The following SPINT1 variants were observed in gnomAD, a reference collection of about 807,000 sequenced individuals.
The protein encoded by SPINT1 is serine peptidase inhibitor, Kunitz type 1, also known as kunitz-type protease inhibitor 1.
Under a neutral mutation model 53.7 loss-of-function variants are expected in SPINT1, and 38 were observed. The observed-to-expected ratio is 0.71, with a 90% CI of 0.55 to 0.93. The LOEUF (loss-of-function observed/expected upper bound fraction) is 0.93, where lower values mean the gene tolerates loss of function less well. SPINT1 is among the 40% of genes least tolerant of loss of function. The pLI is 0.00. For missense variants in SPINT1, 645 were observed against 692.9 expected, an observed-to-expected ratio of 0.93 and a Z score of 0.78; for synonymous variants, 283 against 280.6, an observed-to-expected ratio of 1.01 and a Z score of -0.08.
chr15:40,853,738 G>A lies in SPINT1; in HGVS notation c.770G>A (p.Gly257Asp). The change falls in exon 5 of 11, where the codon GGT (glycine) becomes GAT (aspartate). Residue 257 changes from glycine to aspartate, a missense_variant. Gly to Asp is a moderately conservative substitution (Grantham distance 94). Coordinates refer to ENST00000562057, the MANE Select transcript of SPINT1 (RefSeq NM_003710.4). ...TACTGCCTCGCATCCAACAAGGTGGGTCGCTGCCGGGGCTCTTTCCCACGC... is the reference window on the plus strand; with the variant it reads ...TACTGCCTCGCATCCAACAAGGTGGATCGCTGCCGGGGCTCTTTCCCACGC... ...EDYCLASNKV[G>D]RCRGSFPRWY... 5.0e-6 allele frequency: 8 copies of A among 1,614,130 alleles called. No individual in the cohort carries two copies. The highest frequency in any genetic ancestry group is 1.7e-5 in the Admixed American group (1 of 60,034).
chr15:40,848,468 C>T (rs1166278588), intron 2 of SPINT1, among the ~76,000 whole-genome samples: 1 of 152,160 alleles, frequency 6.6e-6, no homozygotes, highest in Admixed American at 6.5e-5. Flanking sequence ...CAGTTAGTCC[C>T]CGTAGTATTG....
Position 40,857,984 on chromosome 15 carries a change from C to T in SPINT1, c.*1009C>T, listed in dbSNP as rs773456415. 2 of 152,162 alleles carry T rather than the reference C, an allele frequency of 1.3e-5. No individual in the cohort carries two copies. Among genetic ancestry groups the T allele is most frequent in the Non-Finnish European group, 2.9e-5 (2 of 68,036 alleles). 9.4% of individuals were successfully genotyped at this position (152,162 alleles called of 1,614,324 possible). On this transcript the variant is annotated 3_prime_UTR_variant, in exon 11 of 11. Coordinates refer to ENST00000562057, the MANE Select transcript of SPINT1 (RefSeq NM_003710.4). ...CATTTGGAGGTTGGGGTTAGGGGTG[C>T]ACAGGCACCTTGGCTCCTACCTCCA...
chr15:40,853,664 G>C, intron 4 of SPINT1, 37 bp downstream of exon 4: 1 of 1,613,918 alleles, frequency 6.2e-7, no homozygotes, highest in Non-Finnish European at 8.5e-7. Flanking sequence ...TGGAGCCCCC[G>C]CTGTGCGGAT....
At position 40,853,805 on chromosome 15, in the gene SPINT1, T is replaced by C. The variant is rs1266032616; in HGVS notation, c.837T>C (p.Val279=). The change falls in exon 5 of 11, where the codon GTT becomes GTC. Residue 279 remains valine (V), a synonymous_variant. Coordinates refer to ENST00000562057, the MANE Select transcript of SPINT1 (RefSeq NM_003710.4). ...CGGAGCAGATCTGCAAGAGTTTCGT[T>C]TATGGAGGCTGCTTGGGCAACAAGA... The part of the protein sequence containing the change: ...DPTEQICKSF[V]YGGCLGNKNN... 1 of 1,614,186 alleles carries C rather than the reference T, an allele frequency of 6.2e-7. No homozygotes were observed. Among genetic ancestry groups the C allele is most frequent in the Non-Finnish European group, 8.5e-7 (1 of 1,180,018 alleles).
chr15:40,851,373 C>T (rs575193511), intron 2 of SPINT1, among the ~76,000 whole-genome samples: 106 of 152,202 alleles, frequency 7.0e-4, no homozygotes, highest in Non-Finnish European at 1.3e-3. Flanking sequence ...AGGATGGTCT[C>T]AATCTCCTGA....
intron 2 of SPINT1, among the ~76,000 whole-genome samples, chr15:40,851,217 G>A (rs565331876): frequency 2.7e-5 from 4 of 150,292 alleles, no homozygotes; most frequent in Non-Finnish European, 4.4e-5. Flanking sequence ...GCAGTGGCAC[G>A]ATCTCGGCTC....
Position 40,853,853 on chromosome 15 carries a change from G to C in SPINT1, c.885G>C (p.Glu295Asp), listed in dbSNP as rs1376351531. Residue 295 changes from glutamate to aspartate, a missense_variant, in exon 5 of 11, where the codon GAG becomes GAC. By Grantham distance (45) the Glu-to-Asp change is conservative. Coordinates refer to ENST00000562057, the MANE Select transcript of SPINT1 (RefSeq NM_003710.4). The part of the protein sequence containing the change: ...GNKNNYLREE[E>D]CILACRGVQG... ...AGAACAACTACCTTCGGGAAGAAGA[G>C]TGCATTCTAGCCTGTCGGGGTGTGC... 1.2e-6 allele frequency: 2 copies of C among 1,614,230 alleles called. No homozygotes were observed. Among genetic ancestry groups the C allele is most frequent in the Non-Finnish European group, 1.7e-6 (2 of 1,180,040 alleles).
chr15:40,857,023 G>A lies in SPINT1; in HGVS notation c.*48G>A. 6.2e-7 allele frequency: 1 copy of A among 1,604,074 alleles called. No individual in the cohort carries two copies. On this transcript the variant is annotated 3_prime_UTR_variant, in exon 11 of 11. Coordinates refer to ENST00000562057, the MANE Select transcript of SPINT1 (RefSeq NM_003710.4). ...CCTGGCCCTGCTTCCTGCTTGCCAA[G>A]GCAGAGGCCTGGGCTGGGAAAAACT...
intron 2 of SPINT1, among the ~76,000 whole-genome samples, chr15:40,851,162 T>C (rs536932389): frequency 1.6e-4 from 24 of 152,038 alleles, no homozygotes; most frequent in African/African-American, 5.1e-4. Flanking sequence ...TTTTTTCTTT[T>C]TTTTTTTTTT....
In SPINT1 at chr15:40,853,039, T is replaced by C. The variant is rs202101923; in HGVS notation, c.476-85T>C. On this transcript the variant is annotated intron_variant, in intron 2 of 10. Transcript: ENST00000562057. ...CCCAGTTTGGTCTAGGTGGGGCCCA[T>C]ACTTTCACCACCCCACTTTGCTCCT... The C allele has an allele frequency of 1.5e-3, 2,334 of 1,541,212 alleles. 40 individuals are homozygous for C. In the South Asian group the frequency reaches 0.024, roughly 16 times the overall value.
At position 40,849,250 on chromosome 15, in the gene SPINT1, A is replaced by G. The variant is rs539714356; in HGVS notation, c.476-3874A>G. On this transcript the variant is annotated intron_variant, in intron 2 of 10. Coordinates refer to ENST00000562057, the MANE Select transcript of SPINT1 (RefSeq NM_003710.4). ...AACAGAGCAACACTCCGTCTCAGGA[A>G]AAAAAAAAAAGAGAGAAATGGGGTC... Among the ~76,000 whole-genome samples, 54 of 150,536 alleles carry G rather than the reference A, an allele frequency of 3.6e-4. 1 individual carries two copies. The South Asian group carries it at 0.011, about 31-fold the overall frequency.
chr15:40,848,022 G>A (rs568370909), intron 2 of SPINT1, among the ~76,000 whole-genome samples: 313 of 152,222 alleles, frequency 2.1e-3, no homozygotes, highest in African/African-American at 7.2e-3. Flanking sequence ...GCCACTTTTC[G>A]TTCCTGCTCA....
intron 2 of SPINT1, among the ~76,000 whole-genome samples, chr15:40,848,943 T>G (rs1405738021): frequency 2.0e-5 from 3 of 151,764 alleles, no homozygotes; most frequent in Non-Finnish European, 4.4e-5. Flanking sequence ...TTTCTGTTTT[T>G]TTTTTTTTTG....
At chr15:40,848,617 C>A (rs1284584728) in intron 2 of SPINT1, among the ~76,000 whole-genome samples, 1 of 152,106 alleles carries the variant, frequency 6.6e-6, no homozygotes, top group African/African-American at 2.4e-5. Context: ...GAAAGAAAAT[C>A]TAAATCAGGA....
At position 40,853,528 on chromosome 15, in the gene SPINT1, G is replaced by A. The variant is rs759426202; in HGVS notation, c.643G>A (p.Glu215Lys). The part of the protein sequence containing the change: ...PNQVELWGLK[E>K]GTYLFQLTVT... ...CCAGGTGGAACTGTGGGGACTCAAG[G>A]AAGGCACCTACCTGTTCCAGCTGAC... Residue 215 changes from glutamate to lysine, a missense_variant, in exon 4 of 11, where the codon GAA (glutamate) becomes AAA (lysine). Transcript: ENST00000562057. 4.3e-6 allele frequency: 7 copies of A among 1,614,000 alleles called. No individual in the cohort carries two copies. Among genetic ancestry groups the A allele is most frequent in the African/African-American group, 1.3e-5 (1 of 74,914 alleles).
In SPINT1 at chr15:40,854,428, C is replaced by G; in HGVS notation, c.972C>G (p.Phe324Leu). The stretch of plus-strand genomic sequence containing the variant: ...CTGGCACCTGTCAGCCCACCCAGTT[C>G]CGCTGCAGCAATGGCTGCTGCATCG... ...VCSGTCQPTQ[F>L]RCSNGCCIDS... Residue 324 changes from phenylalanine (F) to leucine (L), a missense_variant, in exon 7 of 11, where the codon TTC becomes TTG. By Grantham distance (22) the Phe-to-Leu change is conservative. Transcript: ENST00000562057. 6.2e-7 allele frequency: 1 copy of G among 1,610,584 alleles called. No homozygotes were observed. The highest frequency in any genetic ancestry group is 8.5e-7 in the Non-Finnish European group (1 of 1,178,166).
Position 40,844,944 on chromosome 15 carries a change from G to A in SPINT1, c.390G>A (p.Lys130=). Residue 130 remains lysine (K), a synonymous_variant, in exon 2 of 11, where the codon AAG becomes AAA. Transcript: ENST00000562057. The surrounding 1 kb of genome is among the most constrained non-coding windows in gnomAD (Gnocchi z 5.8). ...NCLYEQNFVC[K]FAPREGFINY... ...TCTACGAGCAGAACTTCGTGTGCAA[G>A]TTCGCGCCCAGGGAGGGCTTCATCA... 6.2e-7 allele frequency: 1 copy of A among 1,614,038 alleles called. No individual in the cohort carries two copies. The highest frequency in any genetic ancestry group is 8.5e-7 in the Non-Finnish European group (1 of 1,180,046).
In SPINT1 at chr15:40,856,283, T is replaced by C; in HGVS notation, c.1296T>C (p.Asp432=). ...CCCCTCATCATTCTGCAGAGAAGGA[T>C]GTGTTTGGCCTGAGGCGGGAAATCC... ...LESCRGISKK[D]VFGLRREIPI... The change falls in exon 10 of 11, where the codon GAT becomes GAC. Residue 432 remains aspartate (D), a synonymous_variant. Coordinates refer to ENST00000562057, the MANE Select transcript of SPINT1 (RefSeq NM_003710.4). 1 of 1,614,142 alleles carries C rather than the reference T, an allele frequency of 6.2e-7. No homozygotes were observed. Among genetic ancestry groups the C allele is most frequent in the South Asian group, 1.1e-5 (1 of 91,086 alleles).
At chr15:40,853,328 A>C in intron 3 of SPINT1, 77 bp downstream of exon 3, 3 of 1,607,546 alleles carry the variant, frequency 1.9e-6, no homozygotes, top group Non-Finnish European at 2.5e-6. Flanking sequence ...GCCCTAGGCC[A>C]ACCAATGGCC....
Sources: gnomAD v4.1 joint callset for allele counts (sites outside exome capture counted in the v4.1 genomes callset) on GRCh38, gnomAD v4.1.1 for gene constraint, Gnocchi (gnomAD v3.1) non-coding constraint, MANE v1.5 for transcripts, NCBI Gene and HGNC (gene_info 2026-07-23, HGNC 2026-07-21) for gene names.